The following TRIM5 variants were observed in gnomAD, a reference collection of about 807,000 sequenced individuals.
The protein encoded by TRIM5 is tripartite motif containing 5.
In TRIM5, 31 loss-of-function variants were observed where a neutral mutation model predicts 35.6. The ratio of observed to expected loss-of-function variants is 0.87; its 90% CI spans 0.65 to 1.18. The LOEUF is 1.18. Among genes scored for constraint, TRIM5 ranks in the 50% most tolerant of loss-of-function variants. The pLI is 0.00. For missense variants in TRIM5, 609 were observed against 591.6 expected (o/e 1.03, Z -0.31); for synonymous variants, 243 against 215.6 (o/e 1.13, Z -1.11).
the TRIM5 span, chr11:5,611,264 C>G: frequency 6.2e-7 from 1 of 1,613,936 alleles, no homozygotes; most frequent in Non-Finnish European, 8.5e-7. Context: ...CTAAATATTA[C>G]TTTCCCACTA....
chr11:5,660,089 G>C (rs1336033433), downstream of TRIM5, among the ~76,000 whole-genome samples: 1 of 152,008 alleles, frequency 6.6e-6, no homozygotes, highest in Non-Finnish European at 1.5e-5. Context: ...CGATTCTCCT[G>C]CCTCAGCCTC....
intron 5 of TRIM5, 29 bp downstream of exon 5, chr11:5,667,660 A>G (rs1289123478): frequency 3.7e-6 from 6 of 1,611,934 alleles, no homozygotes; most frequent in African/African-American, 1.3e-5. Flanking sequence ...CACTGCACAA[A>G]AGGACCATCT....
At chr11:5,632,707 C>T in the TRIM5 span, 17 of 1,611,838 alleles carry the variant, frequency 1.1e-5, no homozygotes, top group Middle Eastern at 1.6e-4. Flanking sequence ...TCAGGAGCAC[C>T]GTGGTCACCA....
chr11:5,629,979 T>A, the TRIM5 span, among the ~76,000 whole-genome samples: 5 of 152,142 alleles, frequency 3.3e-5, no homozygotes, highest in Admixed American at 6.5e-5. Flanking sequence ...GTGCTGAGAT[T>A]ACAGGGGTGA....
the TRIM5 span, among the ~76,000 whole-genome samples, chr11:5,631,756 G>A: frequency 3.9e-5 from 6 of 152,098 alleles, no homozygotes; most frequent in Non-Finnish European, 7.4e-5. Context: ...GAGAGACAGG[G>A]AAGTTTTTTT....
At chr11:5,609,918 T>A in the TRIM5 span, among the ~76,000 whole-genome samples, 1 of 150,904 alleles carries the variant, frequency 6.6e-6, no homozygotes, top group Non-Finnish European at 1.5e-5. Flanking sequence ...GCGAGACTCC[T>A]TCTCAAAAAA....
the TRIM5 span, among the ~76,000 whole-genome samples, chr11:5,621,722 C>T: frequency 2.0e-5 from 3 of 152,132 alleles, no homozygotes; most frequent in Non-Finnish European, 2.9e-5. Context: ...CAAAGTCATC[C>T]CTCTGCTCAC....
chr11:5,641,283 T>C, the TRIM5 span: 1 of 1,592,306 alleles, frequency 6.3e-7, no homozygotes, highest in Middle Eastern at 1.7e-4. Context: ...ATAAAAAATC[T>C]CCCAGAGTAG....
In TRIM5 at chr11:5,679,794, C is replaced by T. The variant is rs148054117; in HGVS notation, c.384G>A (p.Thr128=). Residue 128 remains threonine (T), a synonymous_variant, in exon 2 of 8, where the codon ACG becomes ACA. Coordinates refer to ENST00000380034, the MANE Select transcript of TRIM5 (RefSeq NM_033034.3). ...CCCGGGCAACCTCCTCTGTGAGGAA[C>T]GTGTGGTGACCACGGTGCTCCTGAG... ...ERSQEHRGHH[T]FLTEEVAREY... is the part of the protein sequence containing the mutation. 44 of 1,608,812 alleles carry T rather than the reference C, an allele frequency of 2.7e-5. No individual in the cohort carries two copies. In the African/African-American group the frequency reaches 3.1e-4, roughly 11 times the overall value.
chr11:5,678,625 T>A (rs1852181115), intron 3 of TRIM5, among the ~76,000 whole-genome samples, 191 bp from the exon 4 acceptor site: 1 of 152,082 alleles, frequency 6.6e-6, no homozygotes, highest in African/African-American at 2.4e-5. Context: ...CTTGAATGGG[T>A]ATATTGAGGT....
chr11:5,655,648 A>C, the TRIM5 span: 1 of 985,410 alleles, frequency 1.0e-6, no homozygotes, highest in Non-Finnish European at 1.2e-6. Flanking sequence ...GTCAGTAAGG[A>C]ACCAATGTTA....
the TRIM5 span, among the ~76,000 whole-genome samples, chr11:5,641,750 T>G: frequency 6.6e-6 from 1 of 152,238 alleles, no homozygotes; most frequent in Non-Finnish European, 1.5e-5. Context: ...TATGGAAAAG[T>G]GTAGTCCTTG....
At chr11:5,642,970 T>C in the TRIM5 span, 1 of 1,428,646 alleles carries the variant, frequency 7.0e-7, no homozygotes, top group East Asian at 2.5e-5. Context: ...GCTAAATACA[T>C]TTCTCCAGTG....
chr11:5,611,143 T>G, the TRIM5 span: 1 of 1,614,156 alleles, frequency 6.2e-7, no homozygotes, highest in Non-Finnish European at 8.5e-7. Flanking sequence ...CCTTCCCTGC[T>G]TCTCTCCATG....
the TRIM5 span, among the ~76,000 whole-genome samples, chr11:5,607,481 T>C: frequency 5.3e-5 from 8 of 152,174 alleles, no homozygotes; most frequent in East Asian, 7.7e-4. Context: ...TCCTGTATTA[T>C]GTGGACCAAA....
chr11:5,625,748 T>C, the TRIM5 span, among the ~76,000 whole-genome samples: 18 of 152,208 alleles, frequency 1.2e-4, no homozygotes, highest in Non-Finnish European at 2.2e-4. Flanking sequence ...TCCCTGAACA[T>C]ACCTGTTTAC....
At chr11:5,630,542 C>T in the TRIM5 span, among the ~76,000 whole-genome samples, 2 of 152,184 alleles carry the variant, frequency 1.3e-5, no homozygotes, top group African/African-American at 2.4e-5. Context: ...TAAAAACTTT[C>T]GAACATGTTA....
At chr11:5,662,564 T>C (rs556162615), downstream of TRIM5, among the ~76,000 whole-genome samples, 2 of 152,308 alleles carry the variant, frequency 1.3e-5, no homozygotes, top group South Asian at 2.1e-4. Flanking sequence ...TTTTTACTAC[T>C]TGGCAAACAG....
At chr11:5,637,396 G>A in the TRIM5 span, among the ~76,000 whole-genome samples, 1 of 152,132 alleles carries the variant, frequency 6.6e-6, no homozygotes, top group African/African-American at 2.4e-5. Flanking sequence ...ACAGAAAGAC[G>A]CTCAACTTGA....
Sources: gnomAD v4.1 joint callset for allele counts (sites outside exome capture counted in the v4.1 genomes callset) on GRCh38, gnomAD v4.1.1 for gene constraint, MANE v1.5 for transcripts, NCBI Gene and HGNC (gene_info 2026-07-23, HGNC 2026-07-21) for gene names.